VSTM5: variants seen among roughly 807,000 people sequenced by gnomAD.
VSTM5 encodes V-set and transmembrane domain containing 5.
Under a neutral mutation model 20.3 loss-of-function variants are expected in VSTM5, and 21 were observed. The ratio of observed to expected loss-of-function variants is 1.03; its 90% CI spans 0.73 to 1.49. VSTM5 has a LOEUF of 1.49. Ranked by LOEUF, VSTM5 falls within the 40% of genes most tolerant of loss-of-function variation. The pLI is 0.00. For missense variants in VSTM5, 219 were observed against 250.0 expected, an observed-to-expected ratio of 0.88 and a Z score of 0.84; for synonymous variants, 100 against 102.5, an observed-to-expected ratio of 0.98 and a Z score of 0.14.
intron 1 of VSTM5, among the ~76,000 whole-genome samples, chr11:93,849,827 GCT>G (rs1171878831): frequency 6.6e-6 from 1 of 152,220 alleles, no homozygotes; most frequent in African/African-American, 2.4e-5. Context: ...TACTCAGTGC[GCT>G]GGTCGCGAGG....
At chr11:93,843,860 T>C (rs2135739648) in intron 1 of VSTM5, among the ~76,000 whole-genome samples, 1 of 152,258 alleles carries the variant, frequency 6.6e-6, no homozygotes, top group South Asian at 2.1e-4. Flanking sequence ...TGTACCAAAC[T>C]ACAGACCATC....
intron 1 of VSTM5, among the ~76,000 whole-genome samples, chr11:93,829,009 G>A (rs756692612): frequency 2.0e-5 from 3 of 152,158 alleles, no homozygotes; most frequent in Non-Finnish European, 2.9e-5. Flanking sequence ...GCTCTCCTGC[G>A]AGGATGAGGG....
chr11:93,850,510 C>T lies in VSTM5; in HGVS notation c.-8G>A, dbSNP rs1479567510. The T allele has an allele frequency of 1.3e-6, 2 of 1,547,250 alleles. No homozygotes were observed. Among genetic ancestry groups the T allele is most frequent in the South Asian group, 1.2e-5 (1 of 83,536 alleles). On this transcript the variant is annotated 5_prime_UTR_variant, in exon 1 of 4. Coordinates refer to ENST00000409977, the MANE Select transcript of VSTM5 (RefSeq NM_001144871.2). Reference sequence around the variant, plus strand: ...GCTGGGCAGAGGCCTCATGGGCGAGCCCGGGGCCTCGCGGGCCGGGGTGTG... The same window carrying T: ...GCTGGGCAGAGGCCTCATGGGCGAGTCCGGGGCCTCGCGGGCCGGGGTGTG...
At chr11:93,820,676 CAAGAT>C in intron 3 of VSTM5, 62 bp downstream of exon 3, 1 of 1,551,522 alleles carries the variant, frequency 6.4e-7, no homozygotes, top group South Asian at 1.2e-5. Context: ...TTCGTGAGAA[CAAGAT>C]AACACATGCC....
At chr11:93,822,853 A>G (rs1401436235) in intron 1 of VSTM5, among the ~76,000 whole-genome samples, 2 of 152,162 alleles carry the variant, frequency 1.3e-5, no homozygotes, top group South Asian at 4.1e-4. Context: ...TCTGACCTCA[A>G]ATATGAGCAG....
At position 93,840,735 on chromosome 11, in the gene VSTM5, A is replaced by G. The variant is rs7124462; in HGVS notation, c.91+9677T>C. Among the ~76,000 whole-genome samples the G allele has an allele frequency of 3.2e-3, 483 of 152,252 alleles. 2 individuals carry two copies. The highest frequency in any genetic ancestry group is 0.011 in the African/African-American group (439 of 41,554). On this transcript the variant is annotated intron_variant, in intron 1 of 3. Transcript: ENST00000409977. ...GCTCCATTAGAATCACCTGGAGGTGATCACGGAACTAGATTGCAGGGCCCG... is the reference window on the plus strand; with the variant it reads ...GCTCCATTAGAATCACCTGGAGGTGGTCACGGAACTAGATTGCAGGGCCCG...
intron 1 of VSTM5, among the ~76,000 whole-genome samples, chr11:93,831,961 G>A (rs1237578749): frequency 6.6e-6 from 1 of 152,168 alleles, no homozygotes; most frequent in Non-Finnish European, 1.5e-5. Flanking sequence ...TTGTAAATGG[G>A]TGGAACCTGC....
At chr11:93,844,576 G>A (rs546975302) in intron 1 of VSTM5, among the ~76,000 whole-genome samples, 4 of 152,100 alleles carry the variant, frequency 2.6e-5, no homozygotes, top group African/African-American at 9.7e-5. Context: ...AACATGAGTC[G>A]AAAAGCCTGA....
intron 2 of VSTM5, 28 bp from the exon 3 acceptor site, chr11:93,820,911 A>C (rs1944176999): frequency 6.4e-7 from 1 of 1,550,708 alleles, no homozygotes; most frequent in African/African-American, 1.4e-5. Context: ...GGGGAGGGGG[A>C]AGACAACATT....
chr11:93,846,515 T>C (rs528252257), intron 1 of VSTM5, among the ~76,000 whole-genome samples: 11 of 152,328 alleles, frequency 7.2e-5, no homozygotes, highest in African/African-American at 2.6e-4. Context: ...TGCGCATCAC[T>C]AGCACTGCAC....
At chr11:93,829,431 G>A (rs1197351347) in intron 1 of VSTM5, among the ~76,000 whole-genome samples, 1 of 152,212 alleles carries the variant, frequency 6.6e-6, no homozygotes, top group Admixed American at 6.5e-5. Context: ...GGGAGGCTGA[G>A]GCACGAGAAT....
chr11:93,833,400 G>A (rs1001216152), intron 1 of VSTM5, among the ~76,000 whole-genome samples: 3 of 152,032 alleles, frequency 2.0e-5, no homozygotes, highest in Non-Finnish European at 2.9e-5. Flanking sequence ...ACAACATGGC[G>A]AAACCCCATC....
At chr11:93,846,978 G>T (rs1230727140) in intron 1 of VSTM5, among the ~76,000 whole-genome samples, 1 of 151,906 alleles carries the variant, frequency 6.6e-6, no homozygotes, top group Non-Finnish European at 1.5e-5. Flanking sequence ...TGTTGGCCAG[G>T]ATGGTCTCGA....
intron 1 of VSTM5, among the ~76,000 whole-genome samples, chr11:93,831,659 A>G (rs1944285229): frequency 6.6e-6 from 1 of 152,214 alleles, no homozygotes; most frequent in South Asian, 2.1e-4. Context: ...CAAACAACGT[A>G]AACAGATGCA....
At position 93,821,088 on chromosome 11, in the gene VSTM5, G is replaced by T. The variant is rs913024586; in HGVS notation, c.327C>A (p.Ser109Arg). The T allele has an allele frequency of 6.4e-7, 1 of 1,551,834 alleles. No homozygotes were observed. Among genetic ancestry groups the T allele is most frequent in the South Asian group, 1.2e-5 (1 of 84,064 alleles). The change falls in exon 2 of 4, where the codon AGC (serine) becomes AGA (arginine). Residue 109 changes from serine to arginine, a missense_variant. Coordinates refer to ENST00000409977, the MANE Select transcript of VSTM5 (RefSeq NM_001144871.2). Reference protein sequence around the residue: ...TFDNGSIQLFSVGVRDSGYYV... With the variant: ...TFDNGSIQLFRVGVRDSGYYV... ...AGTAGCCGGAATCCCTCACTCCCAC[G>T]CTGAAGAGCTGGATGGAGCCGTTGT...
intron 1 of VSTM5, among the ~76,000 whole-genome samples, chr11:93,837,978 G>A (rs370298516): frequency 2.0e-5 from 3 of 152,060 alleles, no homozygotes; most frequent in African/African-American, 7.2e-5. Context: ...GGGTGGCACA[G>A]GAGGGCAAGA....
chr11:93,831,389 T>C (rs941460966), intron 1 of VSTM5, among the ~76,000 whole-genome samples: 11 of 152,200 alleles, frequency 7.2e-5, no homozygotes, highest in African/African-American at 2.7e-4. Flanking sequence ...CTGCCAGTAA[T>C]TTGGGAAACA....
At chr11:93,832,724 C>G (rs1302381032) in intron 1 of VSTM5, among the ~76,000 whole-genome samples, 1 of 152,182 alleles carries the variant, frequency 6.6e-6, no homozygotes, top group Non-Finnish European at 1.5e-5. Flanking sequence ...ATGCTTTTCC[C>G]TTCCCGGGCA....
intron 1 of VSTM5, among the ~76,000 whole-genome samples, chr11:93,828,961 T>G (rs1016761515): frequency 6.6e-6 from 1 of 152,178 alleles, no homozygotes; most frequent in African/African-American, 2.4e-5. Flanking sequence ...ACCTCCTAGC[T>G]GGGAGATCTG....
Sources: allele counts gnomAD v4.1 joint callset (sites outside exome capture counted in the v4.1 genomes callset), GRCh38; gene constraint gnomAD v4.1.1; transcripts MANE v1.5; gene names NCBI Gene and HGNC (gene_info 2026-07-23, HGNC 2026-07-21).